The following MAP2K6 variants were observed in gnomAD, a reference collection of about 807,000 sequenced individuals.
MAP2K6 encodes the protein dual specificity mitogen-activated protein kinase kinase 6.
A neutral mutation model predicts 53.7 loss-of-function variants in MAP2K6; 16 were observed. The ratio of observed to expected loss-of-function variants is 0.30; its 90% CI spans 0.20 to 0.45. The LOEUF is 0.45. Ranked by LOEUF, MAP2K6 falls within the 20% of genes least tolerant of loss-of-function variation. The pLI, the probability that MAP2K6 is intolerant of heterozygous loss-of-function variation, is 1.00. For synonymous variants in MAP2K6, 132 were observed against 143.1 expected, an observed-to-expected ratio of 0.92 and a Z score of 0.55; for missense variants, 204 against 411.9, an observed-to-expected ratio of 0.50 and a Z score of 4.37.
At chr17:69,496,482 C>A (rs1908957871) in intron 1 of MAP2K6, among the ~76,000 whole-genome samples, 1 of 151,894 alleles carries the variant, frequency 6.6e-6, no homozygotes, top group African/African-American at 2.4e-5. Context: ...GATTCTCCCG[C>A]CTCAGCCTCC....
intron 2 of MAP2K6, among the ~76,000 whole-genome samples, chr17:69,514,809 A>G (rs1243438204): frequency 2.0e-5 from 3 of 151,732 alleles, no homozygotes; most frequent in African/African-American, 7.3e-5. Context: ...TGATCCGCCC[A>G]CCTCAGCCTC....
chr17:69,451,301 G>A (rs12951786), intron 1 of MAP2K6, among the ~76,000 whole-genome samples: 162 of 152,302 alleles, frequency 1.1e-3, no homozygotes, highest in Middle Eastern at 3.4e-3. Flanking sequence ...TATTTGCACC[G>A]TGGAAATCAG....
intron 1 of MAP2K6, among the ~76,000 whole-genome samples, chr17:69,415,303 C>A (rs1567810366): frequency 6.6e-6 from 1 of 152,060 alleles, no homozygotes; most frequent in African/African-American, 2.4e-5. Flanking sequence ...ATGTGCAAGG[C>A]TTTATATAAT....
At chr17:69,454,179 C>T (rs1907323187) in intron 1 of MAP2K6, among the ~76,000 whole-genome samples, 1 of 152,188 alleles carries the variant, frequency 6.6e-6, no homozygotes. Flanking sequence ...TGACTGATGT[C>T]TATATTTCTA....
chr17:69,461,007 A>G (rs1386623496), intron 1 of MAP2K6, among the ~76,000 whole-genome samples: 1 of 152,214 alleles, frequency 6.6e-6, no homozygotes, highest in Non-Finnish European at 1.5e-5. Context: ...TCAACCTTTG[A>G]TCAGGAGGAG....
chr17:69,513,633 G>A (rs1454549291), intron 2 of MAP2K6, among the ~76,000 whole-genome samples: 1 of 151,776 alleles, frequency 6.6e-6, no homozygotes, highest in African/African-American at 2.4e-5. Context: ...TTTATTTTTT[G>A]TTTTTTTACA....
In MAP2K6 at chr17:69,543,413, A is replaced by G. The variant is rs189589012; in HGVS notation, c.*1660A>G. 3 of 152,096 alleles carry G rather than the reference A, an allele frequency of 2.0e-5. No individual in the cohort carries two copies. Among genetic ancestry groups the G allele is most frequent in the Non-Finnish European group, 2.9e-5 (2 of 67,998 alleles). 9.4% of individuals were successfully genotyped at this position (152,096 alleles called of 1,614,324 possible). On this transcript the variant is annotated 3_prime_UTR_variant, in exon 12 of 12. Transcript: ENST00000590474. ...ACAAGGAGGAGTTGCTCCTGCCCAG[A>G]ATGAGCGTGACACTTCCGAACACTT...
At chr17:69,527,670 G>A (rs947437599) in intron 10 of MAP2K6, among the ~76,000 whole-genome samples, 9 of 152,142 alleles carry the variant, frequency 5.9e-5, no homozygotes, top group African/African-American at 1.9e-4. Flanking sequence ...AAGGGGGCTC[G>A]GAGATGGTGG....
intron 1 of MAP2K6, among the ~76,000 whole-genome samples, chr17:69,454,254 G>T (rs915517154): frequency 6.6e-6 from 1 of 152,176 alleles, no homozygotes; most frequent in Non-Finnish European, 1.5e-5. Flanking sequence ...AAGCTTCCAG[G>T]TTCCAGTGAT....
At chr17:69,502,703 G>T in intron 1 of MAP2K6, 1 of 985,548 alleles carries the variant, frequency 1.0e-6, no homozygotes, top group Non-Finnish European at 1.2e-6. Flanking sequence ...TGATGTTGAT[G>T]TGGGGGGCTG....
intron 2 of MAP2K6, among the ~76,000 whole-genome samples, chr17:69,509,332 A>T (rs927959385): frequency 6.6e-6 from 1 of 152,170 alleles, no homozygotes; most frequent in Non-Finnish European, 1.5e-5. Flanking sequence ...TAAAATTTAT[A>T]CCTAAGTTTT....
chr17:69,541,450 G>A (rs545040433), intron 11 of MAP2K6, among the ~76,000 whole-genome samples: 25 of 152,024 alleles, frequency 1.6e-4, no homozygotes, highest in African/African-American at 5.3e-4. Flanking sequence ...ATTTAATATA[G>A]TGGAAACCTA....
intron 9 of MAP2K6, among the ~76,000 whole-genome samples, chr17:69,525,736 TG>T (rs1171356241): frequency 6.6e-6 from 1 of 152,176 alleles, no homozygotes; most frequent in African/African-American, 2.4e-5. Context: ...ATGATTCAAT[TG>T]TTTCCCACTG....
intron 1 of MAP2K6, among the ~76,000 whole-genome samples, chr17:69,478,970 C>T (rs369423203): frequency 7.7e-4 from 117 of 152,212 alleles, no homozygotes; most frequent in African/African-American, 2.6e-3. Flanking sequence ...AGGTTGAAGA[C>T]TTTGGACAGG....
rs529290456 is a variant in MAP2K6, at chr17:69,419,314, G to A, written c.16+4314G>A. On this transcript the variant is annotated intron_variant, in intron 1 of 11. Coordinates refer to ENST00000590474, the MANE Select transcript of MAP2K6 (RefSeq NM_002758.4). ...CTAGAGGTGGAAGTCCTGGGTCAAA[G>A]GGCATGTATAGATATATTGCTAAAT... Among the ~76,000 whole-genome samples, 543 of 152,254 alleles carry A rather than the reference G, an allele frequency of 3.6e-3. 3 individuals carry two copies. Among genetic ancestry groups the A allele is most frequent in the African/African-American group, 0.012 (507 of 41,548 alleles).
At chr17:69,505,610 C>A in intron 1 of MAP2K6, 170 bp from the exon 2 acceptor site, 1 of 613,464 alleles carries the variant, frequency 1.6e-6, no homozygotes, top group South Asian at 1.7e-5. Context: ...TCTGTCCTAC[C>A]TGGTGCTTGG....
intron 1 of MAP2K6, among the ~76,000 whole-genome samples, chr17:69,473,827 C>G (rs1052308241): frequency 3.9e-5 from 6 of 152,164 alleles, no homozygotes; most frequent in Non-Finnish European, 7.3e-5. Flanking sequence ...TTGATCAGAT[C>G]TGTTTGGTTT....
In MAP2K6 at chr17:69,546,979, A is replaced by G. The variant is rs1320130879; in HGVS notation, c.*5226A>G. The G allele has an allele frequency of 6.6e-6, 1 of 152,132 alleles. No individual in the cohort carries two copies. The highest frequency in any genetic ancestry group is 2.4e-5 in the African/African-American group (1 of 41,438). The allele number at this position is 152,132 out of a possible 1,614,324, so 9.4% of individuals were successfully genotyped here. The stretch of plus-strand genomic sequence containing the variant: ...GAGCTACCAGACCCGATAGAATAGA[A>G]AGAAAGCTATTTTATTCTCGGAGGT... On this transcript the variant is annotated 3_prime_UTR_variant, in exon 12 of 12. Coordinates refer to ENST00000590474, the MANE Select transcript of MAP2K6 (RefSeq NM_002758.4).
At chr17:69,512,616 C>T (rs1254664738) in intron 2 of MAP2K6, among the ~76,000 whole-genome samples, 4 of 152,124 alleles carry the variant, frequency 2.6e-5, no homozygotes, top group East Asian at 3.9e-4. Flanking sequence ...GGATTACAGG[C>T]GTGAGCCACT....
Sources: gnomAD v4.1 joint callset for allele counts (sites outside exome capture counted in the v4.1 genomes callset) on GRCh38, gnomAD v4.1.1 for gene constraint, MANE v1.5 for transcripts, NCBI Gene and HGNC (gene_info 2026-07-23, HGNC 2026-07-21) for gene names.